CUX1: variants seen among roughly 807,000 people sequenced by gnomAD.
CUX1 encodes protein CASP.
Under a neutral mutation model 158.8 loss-of-function variants are expected in CUX1, and 31 were observed. The observed-to-expected ratio is 0.20, with a 90% CI of 0.15 to 0.26. The LOEUF is 0.26. Ranked by LOEUF, CUX1 falls within the 10% of genes least tolerant of loss-of-function variation. The pLI is 1.00. For synonymous variants in CUX1, 879 were observed against 862.1 expected (o/e 1.02, Z -0.34); for missense variants, 1,589 against 2,014.6 (o/e 0.79, Z 4.04).
intron 8 of CUX1, among the ~76,000 whole-genome samples, chr7:102,124,764 T>C (rs1832428356): frequency 6.6e-6 from 1 of 152,062 alleles, no homozygotes; most frequent in African/African-American, 2.4e-5. Context: ...CGGTATATTG[T>C]AAAATTGGTT....
At chr7:102,203,169 G>T (rs1795624597) in intron 18 of CUX1, among the ~76,000 whole-genome samples, 1 of 152,090 alleles carries the variant, frequency 6.6e-6, no homozygotes, top group African/African-American at 2.4e-5. Flanking sequence ...GTTTCACCAT[G>T]TTGGCCAGGC....
intron 2 of CUX1, among the ~76,000 whole-genome samples, chr7:102,014,253 AG>A (rs776227241): frequency 7.2e-5 from 11 of 152,150 alleles, no homozygotes; most frequent in Non-Finnish European, 1.5e-4. Context: ...GTATCTCAAA[AG>A]ACAGACATAA....
intron 6 of CUX1, among the ~76,000 whole-genome samples, chr7:102,106,071 T>C (rs1309667073): frequency 2.1e-5 from 3 of 144,186 alleles, no homozygotes; most frequent in Non-Finnish European, 4.5e-5. Context: ...GGTGAACTTT[T>C]CTTTTTTCTT....
intron 11 of CUX1, 62 bp from the exon 12 acceptor site, chr7:102,189,751 C>A: frequency 6.4e-7 from 1 of 1,566,014 alleles, no homozygotes; most frequent in South Asian, 1.1e-5. Context: ...TGAATGCCGT[C>A]GGTGAAGTCC....
chr7:101,865,953 G>C (rs561405419), intron 1 of CUX1, among the ~76,000 whole-genome samples: 1 of 152,154 alleles, frequency 6.6e-6, no homozygotes, highest in African/African-American at 2.4e-5. Context: ...TGGAATGCTT[G>C]TTTTACAGCC....
chr7:101,958,882 T>C (rs1189590145), intron 2 of CUX1, among the ~76,000 whole-genome samples: 1 of 123,572 alleles, frequency 8.1e-6, no homozygotes, highest in Non-Finnish European at 1.6e-5. Context: ...TAAGAGACAG[T>C]ATTGCCCTGT....
At chr7:101,909,302 C>T (rs959574514) in intron 1 of CUX1, among the ~76,000 whole-genome samples, 2 of 150,162 alleles carry the variant, frequency 1.3e-5, no homozygotes, top group Admixed American at 1.3e-4. Flanking sequence ...GAGTCCAGTT[C>T]AGGTTTGGGA....
intron 12 of CUX1, among the ~76,000 whole-genome samples, chr7:102,192,238 C>G (rs1385027159): frequency 6.6e-6 from 1 of 152,176 alleles, no homozygotes; most frequent in African/African-American, 2.4e-5. Flanking sequence ...CCTTCAGGGC[C>G]CTTCTCCAAT....
chr7:101,908,883 A>G (rs937160961), intron 1 of CUX1, among the ~76,000 whole-genome samples: 5 of 152,198 alleles, frequency 3.3e-5, no homozygotes, highest in African/African-American at 9.7e-5. Flanking sequence ...AAAGGAAGTC[A>G]TTTGACCACA....
chr7:102,101,256 G>T (rs1220104477), intron 5 of CUX1, among the ~76,000 whole-genome samples: 1 of 152,212 alleles, frequency 6.6e-6, no homozygotes, highest in South Asian at 2.1e-4. Context: ...ATGGGCCACA[G>T]CCCCACCCAT....
At chr7:102,186,588 TA>T (rs1563371559) in intron 11 of CUX1, among the ~76,000 whole-genome samples, 49 of 123,740 alleles carry the variant, frequency 4.0e-4, no homozygotes, top group African/African-American at 8.9e-4. Context: ...TATATATATA[TA>T]TATATATTTT....
At chr7:102,095,031 G>A (rs1331474930) in intron 4 of CUX1, among the ~76,000 whole-genome samples, 2 of 149,886 alleles carry the variant, frequency 1.3e-5, no homozygotes, top group Non-Finnish European at 3.0e-5. Context: ...ACAGGATTTC[G>A]CTCTGTTGCC....
At chr7:102,198,343 C>G (rs76768745) in intron 15 of CUX1, among the ~76,000 whole-genome samples, 6,997 of 152,298 alleles carry the variant, frequency 0.046, 244 homozygotes, top group Non-Finnish European at 0.067. Context: ...ATTGAGAGGT[C>G]ATTTCATCAG....
At chr7:101,895,216 T>G (rs1801343164) in intron 1 of CUX1, among the ~76,000 whole-genome samples, 1 of 152,182 alleles carries the variant, frequency 6.6e-6, no homozygotes, top group South Asian at 2.1e-4. Context: ...AGACGGGGTT[T>G]CGCCATTTTG....
chr7:102,139,160 A>G (rs1342874217), intron 8 of CUX1, among the ~76,000 whole-genome samples: 1 of 149,344 alleles, frequency 6.7e-6, no homozygotes, highest in African/African-American at 2.5e-5. Context: ...CCCGGGAATC[A>G]CTTGAACCCG....
At chr7:101,874,046 T>C (rs1257470422) in intron 1 of CUX1, among the ~76,000 whole-genome samples, 2 of 152,238 alleles carry the variant, frequency 1.3e-5, no homozygotes, top group African/African-American at 4.8e-5. Context: ...TTCAGGATGC[T>C]TTGAAAAGAG....
At chr7:102,187,342 T>A (rs1315368855) in intron 11 of CUX1, among the ~76,000 whole-genome samples, 4 of 146,346 alleles carry the variant, frequency 2.7e-5, no homozygotes, top group Non-Finnish European at 6.0e-5. Flanking sequence ...AAAATAACTT[T>A]AAAAAAAAAA....
At chr7:101,816,512 G>A (rs922280233), upstream of CUX1, among the ~76,000 whole-genome samples, 1 of 141,316 alleles carries the variant, frequency 7.1e-6, no homozygotes, top group Admixed American at 6.9e-5. Context: ...AGCGGGGAGC[G>A]GGCGGCGGGG....
chr7:102,023,436 C>T (rs1473464089), intron 2 of CUX1, among the ~76,000 whole-genome samples: 4 of 152,172 alleles, frequency 2.6e-5, no homozygotes, highest in African/African-American at 9.7e-5. Context: ...GTATCATGTC[C>T]TTGCTAACCG....
Sources: gnomAD v4.1 joint callset for allele counts (sites outside exome capture counted in the v4.1 genomes callset) on GRCh38, gnomAD v4.1.1 for gene constraint, MANE v1.5 for transcripts, NCBI Gene and HGNC (gene_info 2026-07-23, HGNC 2026-07-21) for gene names.